DCHS1: variants seen among roughly 807,000 people sequenced by gnomAD.
DCHS1 encodes the protein protocadherin-16.
DCHS1 carries 78 observed loss-of-function variants against 213.9 expected under a neutral mutation model. That is an observed-to-expected ratio of 0.36 (90% CI 0.30 to 0.44). The LOEUF (loss-of-function observed/expected upper bound fraction) is 0.44, where lower values mean the gene tolerates loss of function less well. Among genes scored for constraint, DCHS1 ranks in the 20% least tolerant of loss-of-function variants. The pLI is 1.00. For synonymous variants in DCHS1, 1,828 were observed against 1,873.7 expected (o/e 0.98, Z 0.63); for missense variants, 3,946 against 4,395.9 (o/e 0.90, Z 2.89).
Position 6,630,676 on chromosome 11 carries a change from G to A in DCHS1, c.4118C>T (p.Ala1373Val). 2 of 1,533,482 alleles carry A rather than the reference G, an allele frequency of 1.3e-6. No homozygotes were observed. The highest frequency in any genetic ancestry group is 1.8e-6 in the Non-Finnish European group (2 of 1,141,070). 95.0% of individuals were successfully genotyped at this position (1,533,482 alleles called of 1,614,324 possible). ...CAGCGCGAAGGTGCCCTCGGGATCG[G>A]CACCGCCCACCAGTGTGTAGGTGAG... is the stretch of plus-strand genomic sequence containing the variant. ...GALTYTLVGG[A>V]DPEGTFALDA... Residue 1373 changes from alanine to valine, a missense_variant, in exon 10 of 21, where the codon GCC (alanine) becomes GTC (valine). Coordinates refer to ENST00000299441, the MANE Select transcript of DCHS1 (RefSeq NM_003737.4).
At position 6,640,742 on chromosome 11, in the gene DCHS1, G is replaced by C; in HGVS notation, c.872C>G (p.Thr291Ser). ...DADAGVNGAV[T>S]YEINRRQSEG... ...GCTCTGCCTCCGGTTGATCTCGTAA[G>C]TCACAGCCCCATTGACACCAGCATC... is the stretch of plus-strand genomic sequence containing the variant. Residue 291 changes from threonine to serine, a missense_variant, in exon 2 of 21, where the codon ACT (threonine) becomes AGT (serine). Coordinates refer to ENST00000299441, the MANE Select transcript of DCHS1 (RefSeq NM_003737.4). This position sits in a 1 kb window ranked among gnomAD's most constrained non-coding sequence, Gnocchi z 6.5. 12 of 1,614,010 alleles carry C rather than the reference G, an allele frequency of 7.4e-6. No individual in the cohort carries two copies. The highest frequency in any genetic ancestry group is 1.0e-5 in the Non-Finnish European group (12 of 1,179,910).
chr11:6,622,388 C>A lies in DCHS1; in HGVS notation c.9288G>T (p.Gly3096=). ...TGGCTCCTGCACCTGGCAGCAGCAGCCCTGCCTTTCGGCCCTTATACCAGG... is the reference window on the plus strand; with the variant it reads ...TGGCTCCTGCACCTGGCAGCAGCAGACCTGCCTTTCGGCCCTTATACCAGG... ...PDTWYKGRKA[G]LLLPGAGATL... The change falls in exon 21 of 21, where the codon GGG becomes GGT. Residue 3096 remains glycine (G), a synonymous_variant. Coordinates refer to ENST00000299441, the MANE Select transcript of DCHS1 (RefSeq NM_003737.4). The surrounding 1 kb of genome is among the most constrained non-coding windows in gnomAD (Gnocchi z 5.4). The A allele has an allele frequency of 1.3e-6, 2 of 1,559,790 alleles. No individual in the cohort carries two copies. Among genetic ancestry groups the A allele is most frequent in the South Asian group, 1.2e-5 (1 of 84,508 alleles).
In DCHS1 at chr11:6,633,548, A is replaced by T; in HGVS notation, c.2319T>A (p.Ser773Arg). 1 of 1,590,024 alleles carries T rather than the reference A, an allele frequency of 6.3e-7. No individual in the cohort carries two copies. Among genetic ancestry groups the T allele is most frequent in the Non-Finnish European group, 8.6e-7 (1 of 1,168,054 alleles). ...EDGGGLQAEP[S>R]ARVDISIVPG... ...GCACAATGCTGATGTCCACTCGGGC[A>T]CTGGGTTCTGCCTGTAGGCCACCTC... is the stretch of plus-strand genomic sequence containing the variant. Residue 773 changes from serine (S) to arginine (R), a missense_variant, in exon 5 of 21, where the codon AGT (serine) becomes AGA (arginine). By Grantham distance (110) the Ser-to-Arg change is moderately radical. This residue lies in a region of DCHS1 where 3,384 missense variants were observed against 3,780.1 expected (regional missense o/e 0.90). Transcript: ENST00000299441.
chr11:6,632,182 G>C lies in DCHS1; in HGVS notation c.3330C>G (p.Thr1110=). Residue 1110 remains threonine (T), a synonymous_variant, in exon 6 of 21, where the codon ACC becomes ACG. Transcript: ENST00000299441. The surrounding 1 kb of genome is among the most constrained non-coding windows in gnomAD (Gnocchi z 5.9). The stretch of plus-strand genomic sequence containing the variant: ...GCTGGTTCTCAGCCACAGCCAGGAA[G>C]GTGGGATCCTCAGACAAGCGGGGAC... The part of the protein sequence containing the change: ...EHSPRLSEDP[T]FLAVAENQPP... 1 of 1,601,146 alleles carries C rather than the reference G, an allele frequency of 6.2e-7. No individual in the cohort carries two copies. Among genetic ancestry groups the C allele is most frequent in the South Asian group, 1.1e-5 (1 of 89,982 alleles).
chr11:6,622,393 C>A lies in DCHS1; in HGVS notation c.9283G>T (p.Ala3095Ser), dbSNP rs1488737957. The A allele has an allele frequency of 1.3e-6, 2 of 1,556,650 alleles. No individual in the cohort carries two copies. Among genetic ancestry groups the A allele is most frequent in the Admixed American group, 1.9e-5 (1 of 52,408 alleles). Residue 3095 changes from alanine to serine, a missense_variant, in exon 21 of 21, where the codon GCA becomes TCA. By Grantham distance (99) the Ala-to-Ser change is moderately conservative. This residue lies in a region of DCHS1 where 554 missense variants were observed against 590.2 expected (regional missense o/e 0.94). Coordinates refer to ENST00000299441, the MANE Select transcript of DCHS1 (RefSeq NM_003737.4). This position sits in a 1 kb window ranked among gnomAD's most constrained non-coding sequence, Gnocchi z 5.4. ...APDTWYKGRK[A>S]GLLLPGAGAT... ...CCTGCACCTGGCAGCAGCAGCCCTG[C>A]CTTTCGGCCCTTATACCAGGTGTCA...
rs1257176596 is a variant in DCHS1, at chr11:6,632,321, G to A, written c.3191C>T (p.Ala1064Val). 1 of 1,613,940 alleles carries A rather than the reference G, an allele frequency of 6.2e-7. No homozygotes were observed. The highest frequency in any genetic ancestry group is 8.5e-7 in the Non-Finnish European group (1 of 1,179,860). ...LWVRAALDRE[A>V]QELYILKVMA... ...TACCTTCAGTATGTACAATTCCTGGGCCTCACGGTCTAGTGCTGCCCGCAC... is the reference window on the plus strand; with the variant it reads ...TACCTTCAGTATGTACAATTCCTGGACCTCACGGTCTAGTGCTGCCCGCAC... Residue 1064 changes from alanine to valine, a missense_variant, in exon 6 of 21, where the codon GCC becomes GTC. Ala to Val is a moderately conservative substitution (Grantham distance 64). Coordinates refer to ENST00000299441, the MANE Select transcript of DCHS1 (RefSeq NM_003737.4). This position sits in a 1 kb window ranked among gnomAD's most constrained non-coding sequence, Gnocchi z 5.9.
chr11:6,630,402 G>A lies in DCHS1; in HGVS notation c.4392C>T (p.Asp1464=), dbSNP rs374847582. 424 of 1,422,390 alleles carry A rather than the reference G, an allele frequency of 3.0e-4. 3 individuals are homozygous for A. The African/African-American group carries it at 5.6e-3, about 19-fold the overall frequency. 88.1% of individuals were successfully genotyped at this position (1,422,390 alleles called of 1,614,324 possible). A position where few individuals can be genotyped will look rare whatever the true frequency, so the allele number is the denominator to read the frequency against. Residue 1464 remains aspartate (D), a synonymous_variant, in exon 10 of 21, where the codon GAC becomes GAT. Coordinates refer to ENST00000299441, the MANE Select transcript of DCHS1 (RefSeq NM_003737.4). ...ALYTFRASDA[D]GPGPNSDVRY... is the part of the protein sequence containing the mutation. ...GCACGTCGCTATTGGGGCCGGGGCC[G>A]TCGGCGTCCGACGCGCGGAAAGTGT...
At chr11:6,647,614 A>T (rs1427793442) in intron 1 of DCHS1, among the ~76,000 whole-genome samples, 1 of 152,228 alleles carries the variant, frequency 6.6e-6, no homozygotes, top group East Asian at 1.9e-4. Context: ...ATCTCATTTA[A>T]TCACCATAAC....
rs182551310 is a variant in DCHS1, at chr11:6,630,951, T to A, written c.3931-88A>T. On this transcript the variant is annotated intron_variant, in intron 9 of 20. Coordinates refer to ENST00000299441, the MANE Select transcript of DCHS1 (RefSeq NM_003737.4). ...GGCTTCCCAGGTGGTAGGAAAGTGG[T>A]CAGAGTAGCCTGACTGCTAGTGGAG... is the stretch of plus-strand genomic sequence containing the variant. The A allele has an allele frequency of 2.4e-4, 355 of 1,507,316 alleles. 1 individual carries two copies. The East Asian group carries it at 6.4e-3, about 27-fold the overall frequency. 93.4% of individuals were successfully genotyped at this position (1,507,316 alleles called of 1,614,324 possible). A position where few individuals can be genotyped will look rare whatever the true frequency, so the allele number is the denominator to read the frequency against.
intron 1 of DCHS1, among the ~76,000 whole-genome samples, chr11:6,643,421 C>T (rs1017115529): frequency 4.6e-5 from 7 of 152,126 alleles, no homozygotes; most frequent in South Asian, 2.1e-4. Flanking sequence ...TCTATGTTGG[C>T]GGCCACCTGT....
Position 6,626,032 on chromosome 11 carries a change from A to T in DCHS1, c.6619T>A (p.Ser2207Thr). Residue 2207 changes from serine to threonine, a missense_variant, in exon 17 of 21, where the codon TCC becomes ACC. Ser to Thr is a moderately conservative substitution (Grantham distance 58). Coordinates refer to ENST00000299441, the MANE Select transcript of DCHS1 (RefSeq NM_003737.4). The surrounding 1 kb of genome is among the most constrained non-coding windows in gnomAD (Gnocchi z 5.2). The part of the protein sequence containing the change: ...DLDQGSGGQI[S>T]YSLAASQPAR... Reference sequence around the variant, plus strand: ...GGCTGGGATGCAGCCAGACTGTAGGAAATCTGTCCTCCAGAGCCTTGATCC... The same window carrying T: ...GGCTGGGATGCAGCCAGACTGTAGGTAATCTGTCCTCCAGAGCCTTGATCC... The T allele has an allele frequency of 6.2e-7, 1 of 1,612,266 alleles. No individual in the cohort carries two copies. The highest frequency in any genetic ancestry group is 2.2e-5 in the East Asian group (1 of 44,826).
At position 6,624,356 on chromosome 11, in the gene DCHS1, C is replaced by CA. The variant is rs1744393596; in HGVS notation, c.7319dup (p.Leu2440PhefsTer4). 2 of 1,575,606 alleles carry CA rather than the reference C, an allele frequency of 1.3e-6. No homozygotes were observed. The highest frequency in any genetic ancestry group is 2.7e-5 in the African/African-American group (2 of 74,094). On this transcript the variant is annotated frameshift_variant, in exon 21 of 21. Transcript: ENST00000299441. LOFTEE classifies it high-confidence loss of function. ...CCACTGCTCCTGACCCGTCATGGCC[C>CA]AAGGCCACTGTTCCCACTATTGTGA...
rs1301091138 is a variant in DCHS1 at position 6,622,319 on chromosome 11, G to C, written c.9357C>G (p.Phe3119Leu). ...EEGPPATATAFLGGCGLSPAP... is the reference protein window; with the variant it reads ...EEGPPATATALLGGCGLSPAP... ...CAGGGCTCAGGCCACAGCCCCCCAG[G>C]AAGGCTGTGGCAGTGGCTGGGGGCC... Residue 3119 changes from phenylalanine to leucine, a missense_variant, in exon 21 of 21, where the codon TTC becomes TTG. Physicochemically the swap from Phe to Leu is conservative, Grantham distance 22. This residue lies in a region of DCHS1 where 554 missense variants were observed against 590.2 expected (regional missense o/e 0.94). Coordinates refer to ENST00000299441, the MANE Select transcript of DCHS1 (RefSeq NM_003737.4). This position sits in a 1 kb window ranked among gnomAD's most constrained non-coding sequence, Gnocchi z 5.4. 1 of 1,605,798 alleles carries C rather than the reference G, an allele frequency of 6.2e-7. No individual in the cohort carries two copies. Among genetic ancestry groups the C allele is most frequent in the Non-Finnish European group, 8.5e-7 (1 of 1,176,438 alleles).
chr11:6,648,089 T>C (rs943039929), intron 1 of DCHS1, among the ~76,000 whole-genome samples: 2 of 151,872 alleles, frequency 1.3e-5, no homozygotes, highest in African/African-American at 4.8e-5. Flanking sequence ...TTTTGGGGGG[T>C]GACTGTTGGG....
At chr11:6,638,010 A>G (rs1038475826) in intron 2 of DCHS1, among the ~76,000 whole-genome samples, 2 of 152,158 alleles carry the variant, frequency 1.3e-5, no homozygotes, top group Non-Finnish European at 2.9e-5. Context: ...CCACCTGGAG[A>G]GTTGCCCTCT....
Position 6,632,854 on chromosome 11 carries a change from A to G in DCHS1, c.2658T>C (p.Asp886=), listed in dbSNP as rs1855934077. ...AVARVRVLLD[D]VNDNSPAFPA... Reference sequence around the variant, plus strand: ...GAAAGGCAGGGGAGTTGTCATTCACATCATCCAGCAGCACACGCACCCGAG... The same window carrying G: ...GAAAGGCAGGGGAGTTGTCATTCACGTCATCCAGCAGCACACGCACCCGAG... Residue 886 remains aspartate (D), a synonymous_variant, in exon 6 of 21, where the codon GAT becomes GAC. Transcript: ENST00000299441. The surrounding 1 kb of genome is among the most constrained non-coding windows in gnomAD (Gnocchi z 5.9). 6.2e-7 allele frequency: 1 copy of G among 1,613,892 alleles called. No homozygotes were observed.
At chr11:6,647,079 G>C (rs1440960873) in intron 1 of DCHS1, among the ~76,000 whole-genome samples, 1 of 152,208 alleles carries the variant, frequency 6.6e-6, no homozygotes, top group Non-Finnish European at 1.5e-5. Context: ...AGACAACAGG[G>C]GTGAGGAGGG....
At chr11:6,647,833 G>C (rs1856186779) in intron 1 of DCHS1, among the ~76,000 whole-genome samples, 1 of 152,184 alleles carries the variant, frequency 6.6e-6, no homozygotes. Context: ...GGCAAGGGAG[G>C]CCTGAAAAAG....
rs757317023 is a variant in DCHS1 at position 6,632,201 on chromosome 11, C to T, written c.3311G>A (p.Arg1104His). The change falls in exon 6 of 21, where the codon CGC becomes CAC. Residue 1104 changes from arginine (R) to histidine (H), a missense_variant. Arg to His is a conservative substitution (Grantham distance 29, BLOSUM62 0). Around this residue, in one of 3 missense-constraint regions of DCHS1, gnomAD observed 3,384 missense variants for 3,780.1 expected, o/e 0.90. Coordinates refer to ENST00000299441, the MANE Select transcript of DCHS1 (RefSeq NM_003737.4). This position sits in a 1 kb window ranked among gnomAD's most constrained non-coding sequence, Gnocchi z 5.9. Reference protein sequence around the residue: ...SILNQNEHSPRLSEDPTFLAV... With the variant: ...SILNQNEHSPHLSEDPTFLAV... Reference sequence around the variant, plus strand: ...CAGGAAGGTGGGATCCTCAGACAAGCGGGGACTGTGTTCATTCTGGTTGAG... The same window carrying T: ...CAGGAAGGTGGGATCCTCAGACAAGTGGGGACTGTGTTCATTCTGGTTGAG... 8.1e-6 allele frequency: 13 copies of T among 1,608,724 alleles called. No individual in the cohort carries two copies. Among genetic ancestry groups the T allele is most frequent in the African/African-American group, 1.3e-5 (1 of 74,816 alleles).
Sources: gnomAD v4.1 joint callset for allele counts (sites outside exome capture counted in the v4.1 genomes callset) on GRCh38, gnomAD v4.1.1 for gene constraint, gnomAD v4.1.1 regional missense constraint, Gnocchi (gnomAD v3.1) non-coding constraint, MANE v1.5 for transcripts, NCBI Gene and HGNC (gene_info 2026-07-23, HGNC 2026-07-21) for gene names.